Variants in DIAPH2 observed in about 807,000 individuals in gnomAD.
DIAPH2 encodes diaphanous related formin 2, also known as protein diaphanous homolog 2.
In DIAPH2, 35 loss-of-function variants were observed where a neutral mutation model predicts 92.7. The observed-to-expected ratio is 0.38, with a 90% CI of 0.29 to 0.50. DIAPH2 has a LOEUF of 0.50. Among genes scored for constraint, DIAPH2 ranks in the 20% least tolerant of loss-of-function variants. DIAPH2 has a pLI of 0.94. For missense variants in DIAPH2, 701 were observed against 819.5 expected (o/e 0.86, Z 1.77); for synonymous variants, 301 against 280.4 (o/e 1.07, Z -0.73).
intron 23 of DIAPH2, among the ~76,000 whole-genome samples, chrX:97,317,040 G>A (rs780133360): frequency 8.9e-5 from 10 of 112,300 alleles, no homozygotes; most frequent in African/African-American, 3.2e-4. Flanking sequence ...GATGACTATT[G>A]TAATGCTTCT....
intron 23 of DIAPH2, among the ~76,000 whole-genome samples, chrX:97,264,134 G>T (rs1014799591): frequency 9.1e-6 from 1 of 110,210 alleles, no homozygotes; most frequent in African/African-American, 3.3e-5. Context: ...TGTTGCCCAG[G>T]CTGGCCAACT....
chrX:96,900,110 G>T (rs951322419), intron 5 of DIAPH2, among the ~76,000 whole-genome samples: 3 of 111,980 alleles, frequency 2.7e-5, no homozygotes, highest in Admixed American at 1.9e-4. Context: ...CATGAGCATG[G>T]GATGTGGTTC....
intron 19 of DIAPH2, among the ~76,000 whole-genome samples, chrX:97,098,519 A>G (rs1468836944): frequency 1.8e-5 from 2 of 112,834 alleles, no homozygotes; most frequent in Non-Finnish European, 3.7e-5. Flanking sequence ...TATCTATGTT[A>G]TGACATGTCA....
intron 17 of DIAPH2, among the ~76,000 whole-genome samples, chrX:96,989,517 T>G (rs921243494): frequency 2.3e-4 from 26 of 112,206 alleles, no homozygotes; most frequent in Admixed American, 1.6e-3. Context: ...CTGTACTATT[T>G]TACTGTATTT....
At chrX:97,243,234 T>C (rs909352476) in intron 22 of DIAPH2, among the ~76,000 whole-genome samples, 4 of 89,958 alleles carry the variant, frequency 4.4e-5, no homozygotes, top group Non-Finnish European at 6.3e-5. Context: ...ACAACCAGCA[T>C]TTTTTTTTTT....
At chrX:97,299,933 C>T (rs2147624273) in intron 23 of DIAPH2, among the ~76,000 whole-genome samples, 1 of 111,920 alleles carries the variant, frequency 8.9e-6, no homozygotes, top group South Asian at 3.7e-4. Flanking sequence ...TGACAATTTT[C>T]TCTTTGTCTA....
At chrX:97,095,161 G>T (rs1182663145) in intron 19 of DIAPH2, among the ~76,000 whole-genome samples, 1 of 80,088 alleles carries the variant, frequency 1.2e-5, no homozygotes, top group Non-Finnish European at 2.2e-5. Context: ...CTTTCACCCA[G>T]GCTGGAGTGC....
At chrX:97,135,193 C>CTTTGT (rs142293489) in intron 21 of DIAPH2, among the ~76,000 whole-genome samples, 30,703 of 107,164 alleles carry the variant, frequency 0.29, 4,517 homozygotes, top group East Asian at 0.47. Flanking sequence ...AGTAGTTTTG[C>CTTTGT]TTTGTTTTGT....
Position 96,719,484 on chromosome X carries a change from A to T in DIAPH2, c.133-16274A>T, listed in dbSNP as rs1275939894. On this transcript the variant is annotated intron_variant, in intron 1 of 26. Coordinates refer to ENST00000324765, the MANE Select transcript of DIAPH2 (RefSeq NM_006729.5). ...TGTATATGGAGAGACACAGGGGTCT[A>T]GTTTCTTTCTTCTGCATATGGAGAT... Among the ~76,000 whole-genome samples the T allele has an allele frequency of 4.4e-5, 5 of 112,419 alleles. No individual in the cohort carries two copies. The South Asian group carries it at 1.8e-3, about 41-fold the overall frequency.
In DIAPH2 at chrX:97,090,334, T is replaced by G. The variant is rs866347831; in HGVS notation, c.2248-9360T>G. ...TTTTTTTTTTTTTTTTTTTTTTTTTTGAGAAAGAGCTCTGGGGCAGTGGGC... is the reference window on the plus strand; with the variant it reads ...TTTTTTTTTTTTTTTTTTTTTTTTTGGAGAAAGAGCTCTGGGGCAGTGGGC... On this transcript the variant is annotated intron_variant, in intron 19 of 26. Transcript: ENST00000324765. Among the ~76,000 whole-genome samples the G allele has an allele frequency of 1.6e-3, 105 of 65,187 alleles. 1 individual carries two copies. Among genetic ancestry groups the G allele is most frequent in the African/African-American group, 6.4e-3 (95 of 14,762 alleles). 56.6% of individuals were successfully genotyped at this position (65,187 alleles called of 115,157 possible).
Position 97,418,736 on chromosome X carries a change from A to T in DIAPH2, c.3146-10914A>T, listed in dbSNP as rs139825840. On this transcript the variant is annotated intron_variant, in intron 25 of 26. Coordinates refer to ENST00000324765, the MANE Select transcript of DIAPH2 (RefSeq NM_006729.5). ...GCTGAGTTTATTCAGTGTTATTCAG[A>T]GGCAGTCTCAGACAGCAAAGCAAAA... Among the ~76,000 whole-genome samples, 20 of 112,113 alleles carry T rather than the reference A, an allele frequency of 1.8e-4. No individual in the cohort carries two copies. The East Asian group carries it at 5.3e-3, about 30-fold the overall frequency.
chrX:96,931,691 A>G (rs924215987), intron 10 of DIAPH2, among the ~76,000 whole-genome samples: 5 of 111,272 alleles, frequency 4.5e-5, no homozygotes, highest in Non-Finnish European at 9.5e-5. Context: ...CTAGTCTACC[A>G]GAAATACCCA....
rs1004856154 is a variant in DIAPH2, at chrX:96,957,892, T to C, written c.1679T>C (p.Val560Ala). 1 of 1,208,449 alleles carries C rather than the reference T, an allele frequency of 8.3e-7. No homozygotes were observed. Among genetic ancestry groups the C allele is most frequent in the African/African-American group, 1.8e-5 (1 of 56,764 alleles). ...GPPAAPPLPG[V>A]GPPPPPPAPP... The stretch of plus-strand genomic sequence containing the variant: ...CCTGCAGCACCTCCATTGCCAGGTG[T>C]AGGGCCGCCTCCACCACCACCCGCG... The change falls in exon 16 of 27, where the codon GTA becomes GCA. Residue 560 changes from valine to alanine, a missense_variant. Transcript: ENST00000324765.
At chrX:97,022,069 A>G (rs1236116308) in intron 17 of DIAPH2, among the ~76,000 whole-genome samples, 1 of 112,062 alleles carries the variant, frequency 8.9e-6, no homozygotes, top group Non-Finnish European at 1.9e-5. Flanking sequence ...AACTACTGAT[A>G]GAGAGTAGGA....
intron 4 of DIAPH2, among the ~76,000 whole-genome samples, chrX:96,859,749 C>A (rs1462267436): frequency 9.1e-6 from 1 of 109,518 alleles, no homozygotes; most frequent in Non-Finnish European, 1.9e-5. Flanking sequence ...TCATGCCATT[C>A]TCTTGCCTCA....
intron 24 of DIAPH2, among the ~76,000 whole-genome samples, chrX:97,351,862 G>A (rs766636643): frequency 1.4e-4 from 15 of 110,850 alleles, no homozygotes; most frequent in African/African-American, 4.9e-4. Flanking sequence ...ATCCATAGGC[G>A]TTTGACAAGC....
At chrX:97,166,959 C>T (rs1047519996) in intron 22 of DIAPH2, among the ~76,000 whole-genome samples, 1 of 111,980 alleles carries the variant, frequency 8.9e-6, no homozygotes, top group Admixed American at 9.5e-5. Flanking sequence ...TAAAATATGC[C>T]TTATTCTGCA....
intron 21 of DIAPH2, among the ~76,000 whole-genome samples, chrX:97,138,727 A>G (rs2067190014): frequency 8.9e-6 from 1 of 111,749 alleles, no homozygotes; most frequent in Admixed American, 9.6e-5. Context: ...GAAGATATAT[A>G]AAAGAAGATT....
intron 4 of DIAPH2, among the ~76,000 whole-genome samples, chrX:96,796,976 T>C (rs2064544758): frequency 8.9e-6 from 1 of 112,062 alleles, no homozygotes; most frequent in Non-Finnish European, 1.9e-5. Context: ...TTTCTTATAG[T>C]GCAGGTTTTC....
Sources: allele counts gnomAD v4.1 joint callset (sites outside exome capture counted in the v4.1 genomes callset), GRCh38; gene constraint gnomAD v4.1.1; transcripts MANE v1.5; gene names NCBI Gene and HGNC (gene_info 2026-07-23, HGNC 2026-07-21).